DOT1L: variants seen among roughly 807,000 people sequenced by gnomAD.
DOT1L encodes the protein DOT1 like histone lysine methyltransferase, also known as histone-lysine N-methyltransferase, H3 lysine-79 specific.
In DOT1L, 33 loss-of-function variants were observed where a neutral mutation model predicts 153.3. That is an observed-to-expected ratio of 0.22 (90% CI 0.16 to 0.29). The LOEUF (loss-of-function observed/expected upper bound fraction) is 0.29. DOT1L is among the 10% of genes least tolerant of loss of function. The pLI is 1.00. For missense variants in DOT1L, 1,847 were observed against 2,119.9 expected (o/e 0.87, Z 2.53); for synonymous variants, 1,135 against 965.1 (o/e 1.18, Z -3.26).
At position 2,217,740 on chromosome 19, in the gene DOT1L, C is replaced by T. The variant is rs920484097; in HGVS notation, c.2545-32C>T. 1 of 1,580,688 alleles carries T rather than the reference C, an allele frequency of 6.3e-7. No homozygotes were observed. The highest frequency in any genetic ancestry group is 8.6e-7 in the Non-Finnish European group (1 of 1,164,534). ...CCTGTGTCCTGGAGGGGTTTGTTGACCCACGACTGGGGGTCGGGCCTTCGT... is the reference window on the plus strand; with the variant it reads ...CCTGTGTCCTGGAGGGGTTTGTTGATCCACGACTGGGGGTCGGGCCTTCGT... On this transcript the variant is annotated intron_variant, in intron 21 of 27. Transcript: ENST00000398665. This position sits in a 1 kb window ranked among gnomAD's most constrained non-coding sequence, Gnocchi z 7.3.
chr19:2,165,453 C>G (rs1054769302), intron 1 of DOT1L, among the ~76,000 whole-genome samples: 1 of 152,176 alleles, frequency 6.6e-6, no homozygotes, highest in Non-Finnish European at 1.5e-5. Flanking sequence ...GCGGGGCTGG[C>G]GGGGTAGGGC....
At chr19:2,192,913 C>T (rs866829561) in intron 5 of DOT1L, among the ~76,000 whole-genome samples, 4 of 152,148 alleles carry the variant, frequency 2.6e-5, no homozygotes, top group Non-Finnish European at 5.9e-5. Context: ...ACTTGCTGGC[C>T]GGGCCCTGGC....
At position 2,210,449 on chromosome 19, in the gene DOT1L, A is replaced by ACGCGGC. The variant is rs781406017; in HGVS notation, c.1057_1062dup (p.Ala353_Ala354dup). 3.2e-6 allele frequency: 5 copies of ACGCGGC among 1,578,288 alleles called. No individual in the cohort carries two copies. The South Asian group carries it at 5.6e-5, about 18-fold the overall frequency. ...CGCCAGCAGCGCGAGAGCAAGAGCAACGCGGCCACGCCCACTAAGGGCCCA... is the reference window on the plus strand; with the variant it reads ...CGCCAGCAGCGCGAGAGCAAGAGCAACGCGGCCGCGGCCACGCCCACTAAGGGCCCA... On this transcript the variant is annotated inframe_insertion, in exon 13 of 28. Transcript: ENST00000398665.
In DOT1L at chr19:2,227,277, G is replaced by A. The variant is rs898669930; in HGVS notation, c.4606+150G>A. 49 of 1,005,120 alleles carry A rather than the reference G, an allele frequency of 4.9e-5. No homozygotes were observed. In the African/African-American group the frequency reaches 6.8e-4, roughly 14 times the overall value. The allele number at this position is 1,005,120 out of a possible 1,614,324, so 62.3% of individuals were successfully genotyped here. A position where few individuals can be genotyped will look rare whatever the true frequency, so the allele number is the denominator to read the frequency against. On this transcript the variant is annotated intron_variant, in intron 27 of 27. Coordinates refer to ENST00000398665, the MANE Select transcript of DOT1L (RefSeq NM_032482.3). Reference sequence around the variant, plus strand: ...GCCCCCGCCATCCGTGCACGGTGGCGAACTCCAGTCCTGTGGGGAGAGGGC... The same window carrying A: ...GCCCCCGCCATCCGTGCACGGTGGCAAACTCCAGTCCTGTGGGGAGAGGGC...
In DOT1L at chr19:2,226,186, G is replaced by T. The variant is rs1016610646; in HGVS notation, c.3665G>T (p.Gly1222Val). ...KSPPKTLENG[G>V]GLAGRKPAPA... The stretch of plus-strand genomic sequence containing the variant: ...TTCTGCCTTTCCTCTTTGCCAGGTG[G>T]TGGCTTGGCGGGAAGGAAGCCCGCG... The change falls in exon 27 of 28, where the codon GGT becomes GTT. Residue 1222 changes from glycine to valine, a missense_variant. Physicochemically the swap from Gly to Val is moderately radical, Grantham distance 109 (BLOSUM62 -3). This residue lies in a region of DOT1L where 934 missense variants were observed against 825.3 expected (regional missense o/e 1.13). Transcript: ENST00000398665. 1 of 1,515,428 alleles carries T rather than the reference G, an allele frequency of 6.6e-7. No homozygotes were observed. Among genetic ancestry groups the T allele is most frequent in the Non-Finnish European group, 8.8e-7 (1 of 1,130,166 alleles). The allele number at this position is 1,515,428 out of a possible 1,614,324, so 93.9% of individuals were successfully genotyped here. A position where few individuals can be genotyped will look rare whatever the true frequency, so the allele number is the denominator to read the frequency against.
In DOT1L at chr19:2,230,770, C is replaced by T; in HGVS notation, c.*978C>T. On this transcript the variant is annotated 3_prime_UTR_variant, in exon 28 of 28. Transcript: ENST00000398665. ...GGGGAAAAAACCTTATTTATTCAAA[C>T]AGTGCACAAAATGGCCCCAGCGTCA... 1 of 395,780 alleles carries T rather than the reference C, an allele frequency of 2.5e-6. No individual in the cohort carries two copies. The highest frequency in any genetic ancestry group is 1.4e-4 in the South Asian group (1 of 7,010). The allele number at this position is 395,780 out of a possible 1,614,324, so 24.5% of individuals were successfully genotyped here. A position where few individuals can be genotyped will look rare whatever the true frequency, so the allele number is the denominator to read the frequency against.
At position 2,231,938 on chromosome 19, in the gene DOT1L, G is replaced by C. The variant is rs1461349782; in HGVS notation, c.*2146G>C. 1.4e-5 allele frequency: 3 copies of C among 214,762 alleles called. No individual in the cohort carries two copies. The highest frequency in any genetic ancestry group is 2.3e-5 in the African/African-American group (1 of 44,180). 13.3% of individuals were successfully genotyped at this position (214,762 alleles called of 1,614,324 possible). ...GCAGAAGTCTCCTTGAGCCCACTGG[G>C]TCATATGCGTGTCACCACACGTGAA... On this transcript the variant is annotated 3_prime_UTR_variant, in exon 28 of 28. Transcript: ENST00000398665.
chr19:2,202,928 T>G, intron 9 of DOT1L, 149 bp downstream of exon 9: 1 of 707,538 alleles, frequency 1.4e-6, no homozygotes, highest in Non-Finnish European at 2.4e-6. Context: ...TATGCTTTTT[T>G]TTCTTTTTTT....
chr19:2,172,389 C>T (rs1407283139), intron 1 of DOT1L, among the ~76,000 whole-genome samples: 1 of 151,730 alleles, frequency 6.6e-6, no homozygotes, highest in Non-Finnish European at 1.5e-5. Flanking sequence ...TGGGGTTTCA[C>T]CATGTTAGCC....
intron 3 of DOT1L, among the ~76,000 whole-genome samples, chr19:2,187,153 C>T (rs571229840): frequency 1.3e-5 from 2 of 152,226 alleles, no homozygotes; most frequent in South Asian, 2.1e-4. Context: ...CGCTTCCTTA[C>T]AACAGAAGAC....
At chr19:2,225,981 GTCC>G (rs927832179) in intron 26 of DOT1L, among the ~76,000 whole-genome samples, 199 bp from the exon 27 acceptor site, 11 of 151,924 alleles carry the variant, frequency 7.2e-5, no homozygotes, top group Admixed American at 1.3e-4. Context: ...CTGTGCTGTA[GTCC>G]TCCTGTCCCA....
Position 2,213,935 on chromosome 19 carries a change from G to C in DOT1L, c.1746G>C (p.Ser582=). ...SAHNQQLREQ[S]EQLEQDNRAL... ...ATAACCAGCAGCTGCGGGAGCAGTCGGAGCAGCTGGAGCAGGACAACCGCG... is the reference window on the plus strand; with the variant it reads ...ATAACCAGCAGCTGCGGGAGCAGTCCGAGCAGCTGGAGCAGGACAACCGCG... Residue 582 remains serine (S), a synonymous_variant, in exon 18 of 28, where the codon TCG becomes TCC. Transcript: ENST00000398665. The C allele has an allele frequency of 6.2e-7, 1 of 1,613,010 alleles. No homozygotes were observed. The highest frequency in any genetic ancestry group is 8.5e-7 in the Non-Finnish European group (1 of 1,180,028).
Position 2,225,469 on chromosome 19 carries a change from T to C in DOT1L, c.3661+17T>C, listed in dbSNP as rs1481836550. ...TGGAAAATGGTGAGTAACAAGTGTTTTGCGGCGTGGCCAGGCCTGTCCGTG... is the reference window on the plus strand; with the variant it reads ...TGGAAAATGGTGAGTAACAAGTGTTCTGCGGCGTGGCCAGGCCTGTCCGTG... On this transcript the variant is annotated intron_variant, in intron 26 of 27. Coordinates refer to ENST00000398665, the MANE Select transcript of DOT1L (RefSeq NM_032482.3). 4 of 1,613,720 alleles carry C rather than the reference T, an allele frequency of 2.5e-6. No homozygotes were observed. In the Admixed American group the frequency reaches 5.0e-5, roughly 20 times the overall value.
At chr19:2,209,812 C>T (rs956869398) in intron 12 of DOT1L, among the ~76,000 whole-genome samples, 11 of 152,302 alleles carry the variant, frequency 7.2e-5, no homozygotes, top group Admixed American at 5.2e-4. Flanking sequence ...GGGCTGGGCT[C>T]CAACCCGGCC....
chr19:2,196,418 C>T (rs1033401033), intron 7 of DOT1L, among the ~76,000 whole-genome samples: 3 of 152,310 alleles, frequency 2.0e-5, no homozygotes, highest in South Asian at 4.1e-4. Context: ...CTGTAGCCTC[C>T]GCCCCCTGGG....
intron 1 of DOT1L, among the ~76,000 whole-genome samples, chr19:2,170,378 G>C (rs542717120): frequency 1.3e-5 from 2 of 152,136 alleles, no homozygotes; most frequent in East Asian, 3.9e-4. Flanking sequence ...CACTGGGCAC[G>C]GACTGCTTGG....
In DOT1L at chr19:2,226,651, C is replaced by T. The variant is rs1197860343; in HGVS notation, c.4130C>T (p.Ala1377Val). ...AGCAAGAGGCAGCTGGACGGCCTGGCTGGGCTGAAGGGCGAGGGCAGCCGC... is the reference window on the plus strand; with the variant it reads ...AGCAAGAGGCAGCTGGACGGCCTGGTTGGGCTGAAGGGCGAGGGCAGCCGC... ...FLSKRQLDGLAGLKGEGSRGK... is the reference protein window; with the variant it reads ...FLSKRQLDGLVGLKGEGSRGK... Residue 1377 changes from alanine (A) to valine (V), a missense_variant, in exon 27 of 28, where the codon GCT (alanine) becomes GTT (valine). Physicochemically the swap from Ala to Val is moderately conservative, Grantham distance 64. Coordinates refer to ENST00000398665, the MANE Select transcript of DOT1L (RefSeq NM_032482.3). 1.0e-5 allele frequency: 16 copies of T among 1,585,530 alleles called. No individual in the cohort carries two copies. The highest frequency in any genetic ancestry group is 1.3e-5 in the Non-Finnish European group (15 of 1,169,704).
In DOT1L at chr19:2,220,440, G is replaced by A. The variant is rs544377179; in HGVS notation, c.2806+218G>A. The A allele has an allele frequency of 1.1e-4, 75 of 662,256 alleles. No homozygotes were observed. The East Asian group carries it at 2.2e-3, about 19-fold the overall frequency. 41.0% of individuals were successfully genotyped at this position (662,256 alleles called of 1,614,324 possible). A position where few individuals can be genotyped will look rare whatever the true frequency, so the allele number is the denominator to read the frequency against. ...GCAGCCATCTCGGCCTCATACCTGG[G>A]TCTCCCGACACTGACACCTCCTGCT... On this transcript the variant is annotated intron_variant, in intron 23 of 27. Coordinates refer to ENST00000398665, the MANE Select transcript of DOT1L (RefSeq NM_032482.3). The surrounding 1 kb of genome is among the most constrained non-coding windows in gnomAD (Gnocchi z 4.5).
chr19:2,215,238 C>G (rs1283901523), intron 19 of DOT1L, among the ~76,000 whole-genome samples: 1 of 152,168 alleles, frequency 6.6e-6, no homozygotes, highest in Admixed American at 6.5e-5. Context: ...TGCACTCCAG[C>G]CTGGGTGACA....
Sources: allele counts gnomAD v4.1 joint callset (sites outside exome capture counted in the v4.1 genomes callset), GRCh38; gene constraint gnomAD v4.1.1; regional missense constraint gnomAD v4.1.1; non-coding constraint Gnocchi (gnomAD v3.1); transcripts MANE v1.5; gene names NCBI Gene and HGNC (gene_info 2026-07-23, HGNC 2026-07-21).